The following GRXCR1 variants were observed in gnomAD, a reference collection of about 807,000 sequenced individuals.
GRXCR1 encodes the protein glutaredoxin domain-containing cysteine-rich protein 1.
In GRXCR1, 27 loss-of-function variants were observed where a neutral mutation model predicts 27.3. The observed-to-expected ratio is 0.99, with a 90% confidence interval of 0.73 to 1.37. GRXCR1 has a LOEUF of 1.37. Ranked by LOEUF, GRXCR1 falls within the 40% of genes most tolerant of loss-of-function variation. GRXCR1 has a pLI of 0.00. For synonymous variants in GRXCR1, 122 were observed against 131.1 expected (o/e 0.93, Z 0.47); for missense variants, 379 against 354.4 (o/e 1.07, Z -0.56).
At position 43,030,654 on chromosome 4, in the gene GRXCR1, T is replaced by C; in HGVS notation, c.*114T>C. ...GGATTAATCAATAAACTTTGTTTAT[T>C]ATAATTGTCTTTGTGGTGAATTTTT... On this transcript the variant is annotated 3_prime_UTR_variant, in exon 4 of 4. Transcript: ENST00000399770. The C allele has an allele frequency of 4.6e-6, 4 of 869,178 alleles. No individual in the cohort carries two copies. The highest frequency in any genetic ancestry group is 7.3e-6 in the Non-Finnish European group (4 of 548,824). The allele number at this position is 869,178 out of a possible 1,614,324, so 53.8% of individuals were successfully genotyped here.
intron 2 of GRXCR1, among the ~76,000 whole-genome samples, chr4:42,987,114 G>A (rs1159275319): frequency 6.7e-6 from 1 of 148,294 alleles, no homozygotes; most frequent in African/African-American, 2.5e-5. Flanking sequence ...TAAGTTAATG[G>A]TGAAAAAAAG....
chr4:42,917,729 G>A (rs1028226873), intron 1 of GRXCR1, among the ~76,000 whole-genome samples: 1 of 152,054 alleles, frequency 6.6e-6, no homozygotes. Flanking sequence ...GTATTTCTAG[G>A]GGAAACAGGA....
chr4:42,906,455 T>C (rs191416857), intron 1 of GRXCR1, among the ~76,000 whole-genome samples: 80 of 152,274 alleles, frequency 5.3e-4, no homozygotes, highest in African/African-American at 1.8e-3. Context: ...CAGCAGTCAT[T>C]CCCACAGCTC....
intron 2 of GRXCR1, among the ~76,000 whole-genome samples, chr4:42,964,093 A>G (rs972003570): frequency 6.6e-6 from 1 of 151,970 alleles, no homozygotes; most frequent in East Asian, 1.9e-4. Context: ...ACACTATGTG[A>G]TTGTACTTTT....
At chr4:42,965,914 T>C (rs2109776705) in intron 2 of GRXCR1, among the ~76,000 whole-genome samples, 1 of 152,056 alleles carries the variant, frequency 6.6e-6, no homozygotes, top group South Asian at 2.1e-4. Context: ...AATTTAGTTA[T>C]CTTCATCGAA....
At chr4:42,953,743 T>C (rs1017354691) in intron 1 of GRXCR1, among the ~76,000 whole-genome samples, 2 of 152,156 alleles carry the variant, frequency 1.3e-5, no homozygotes, top group African/African-American at 2.4e-5. Flanking sequence ...ACTGTGGATT[T>C]GGATTTTTTG....
At chr4:43,030,289 C>G in intron 3 of GRXCR1, 72 bp from the exon 4 acceptor site, 1 of 1,396,244 alleles carries the variant, frequency 7.2e-7, no homozygotes, top group Non-Finnish European at 1.0e-6. Flanking sequence ...TTCAGAAAGA[C>G]CGGGAGGCTG....
intron 1 of GRXCR1, among the ~76,000 whole-genome samples, chr4:42,908,934 ATGT>A: frequency 6.6e-6 from 1 of 152,278 alleles, no homozygotes; most frequent in African/African-American, 2.4e-5. Flanking sequence ...AATTTGGCAC[ATGT>A]TGTGCCCAAA....
intron 1 of GRXCR1, among the ~76,000 whole-genome samples, chr4:42,912,486 C>T (rs1391898829): frequency 2.6e-5 from 4 of 152,114 alleles, no homozygotes; most frequent in East Asian, 1.9e-4. Context: ...ATGCTCATTG[C>T]ATGTAAACTA....
At chr4:43,003,867 G>A (rs192634147) in intron 2 of GRXCR1, among the ~76,000 whole-genome samples, 2 of 152,346 alleles carry the variant, frequency 1.3e-5, no homozygotes, top group Admixed American at 6.5e-5. Flanking sequence ...TGACCATGTG[G>A]TAGAAAAGAA....
At chr4:42,996,092 C>T (rs976357613) in intron 2 of GRXCR1, among the ~76,000 whole-genome samples, 43 of 152,034 alleles carry the variant, frequency 2.8e-4, no homozygotes, top group African/African-American at 9.9e-4. Context: ...TAGAAGCATG[C>T]ACAAAAAATT....
chr4:42,945,633 T>C (rs1319594298), intron 1 of GRXCR1, among the ~76,000 whole-genome samples: 1 of 152,134 alleles, frequency 6.6e-6, no homozygotes, highest in African/African-American at 2.4e-5. Context: ...AGGGTGGTTA[T>C]TTTCTTGCAG....
intron 2 of GRXCR1, among the ~76,000 whole-genome samples, chr4:42,976,195 A>G (rs547535974): frequency 1.3e-5 from 2 of 152,212 alleles, no homozygotes; most frequent in South Asian, 2.1e-4. Flanking sequence ...CCTCTGCACT[A>G]TAAAAGTATA....
chr4:42,987,261 A>ATT (rs1491549715), intron 2 of GRXCR1, among the ~76,000 whole-genome samples: 1 of 97,264 alleles, frequency 1.0e-5, no homozygotes, highest in South Asian at 2.9e-4. Context: ...ATATATATAT[A>ATT]ATATATATAT....
At chr4:42,994,105 G>A (rs1414974436) in intron 2 of GRXCR1, among the ~76,000 whole-genome samples, 2 of 152,190 alleles carry the variant, frequency 1.3e-5, no homozygotes, top group South Asian at 2.1e-4. Flanking sequence ...GGCCAAAGAT[G>A]GTTCTTTATA....
At chr4:42,982,832 T>C (rs1323487279) in intron 2 of GRXCR1, among the ~76,000 whole-genome samples, 3 of 150,918 alleles carry the variant, frequency 2.0e-5, no homozygotes, top group East Asian at 3.9e-4. Context: ...TTTCATGTGT[T>C]TTTTGGCTGC....
chr4:42,943,940 T>A (rs2109764454), intron 1 of GRXCR1, among the ~76,000 whole-genome samples: 1 of 152,152 alleles, frequency 6.6e-6, no homozygotes, highest in East Asian at 1.9e-4. Flanking sequence ...AAAAATGTGA[T>A]CCAAAATATC....
chr4:42,999,273 A>T (rs187508077), intron 2 of GRXCR1, among the ~76,000 whole-genome samples: 1 of 152,302 alleles, frequency 6.6e-6, no homozygotes, highest in African/African-American at 2.4e-5. Flanking sequence ...ATACCTACAA[A>T]GCATGTGTGT....
chr4:42,922,952 T>G (rs1747054261), intron 1 of GRXCR1, among the ~76,000 whole-genome samples: 1 of 152,084 alleles, frequency 6.6e-6, no homozygotes, highest in African/African-American at 2.4e-5. Context: ...TCCATCACCT[T>G]GCCAGCTCTC....
Sources: allele counts gnomAD v4.1 joint callset (sites outside exome capture counted in the v4.1 genomes callset), GRCh38; gene constraint gnomAD v4.1.1; transcripts MANE v1.5; gene names NCBI Gene and HGNC (gene_info 2026-07-23, HGNC 2026-07-21).